SIRPG: variants seen among roughly 807,000 people sequenced by gnomAD.
SIRPG encodes signal regulatory protein gamma.
SIRPG carries 38 observed loss-of-function variants against 35.7 expected under a neutral mutation model. That is an observed-to-expected ratio of 1.06 (90% CI 0.82 to 1.40). The LOEUF is 1.40. Ranked by LOEUF, SIRPG falls within the 40% of genes most tolerant of loss-of-function variation. The probability of loss-of-function intolerance (pLI) is 0.00; values close to 1 mark genes in which losing one functional copy is unlikely to be tolerated. For synonymous variants in SIRPG, 215 were observed against 190.4 expected (o/e 1.13, Z -1.06); for missense variants, 519 against 483.0 (o/e 1.07, Z -0.70).
intron 1 of SIRPG, among the ~76,000 whole-genome samples, chr20:1,657,014 T>TGGCG (rs2091980119): frequency 6.6e-6 from 1 of 152,180 alleles, no homozygotes; most frequent in Non-Finnish European, 1.5e-5. Flanking sequence ...ATGAGGTCAC[T>TGGCG]GGCGGGGAGC....
the SIRPG span, among the ~76,000 whole-genome samples, chr20:1,667,831 C>CA: frequency 1.3e-5 from 2 of 152,174 alleles, no homozygotes; most frequent in African/African-American, 2.4e-5. Context: ...CAGGTAAAGT[C>CA]AAAATGCACA....
the SIRPG span, among the ~76,000 whole-genome samples, chr20:1,665,631 C>A: frequency 2.7e-3 from 408 of 152,258 alleles, 2 homozygotes; most frequent in Non-Finnish European, 4.6e-3. Context: ...GTTGAGAGAG[C>A]TTGTACTCAG....
At chr20:1,645,170 G>C (rs1205401959) in intron 2 of SIRPG, among the ~76,000 whole-genome samples, 3 of 152,124 alleles carry the variant, frequency 2.0e-5, no homozygotes, top group Admixed American at 6.5e-5. Context: ...CCTGAGGCCC[G>C]TACTGTGGGA....
At chr20:1,678,548 A>T in the SIRPG span, among the ~76,000 whole-genome samples, 1 of 152,160 alleles carries the variant, frequency 6.6e-6, no homozygotes, top group Admixed American at 6.5e-5. Context: ...ATACAACAAA[A>T]ATGAAAGATA....
chr20:1,650,886 A>G (rs1234620749), intron 1 of SIRPG, among the ~76,000 whole-genome samples: 3 of 152,236 alleles, frequency 2.0e-5, no homozygotes, highest in Non-Finnish European at 2.9e-5. Context: ...CTCACATACA[A>G]GAGACCCTCA....
At chr20:1,676,452 C>CA in the SIRPG span, among the ~76,000 whole-genome samples, 1 of 152,160 alleles carries the variant, frequency 6.6e-6, no homozygotes, top group African/African-American at 2.4e-5. Flanking sequence ...CTGCAGCTGT[C>CA]AAAGAGTGGA....
the SIRPG span, among the ~76,000 whole-genome samples, chr20:1,668,204 TTTCTTTCTTTCTTTCTTTCTTTC>T: frequency 4.9e-5 from 2 of 40,890 alleles, no homozygotes; most frequent in Non-Finnish European, 5.2e-5. Flanking sequence ...TTTTCTTTTC[TTTCTTTCTTTCTTTCTTTCTTTC>T]TTTCTTTCTT....
rs374688687 is a variant in SIRPG at position 1,636,404 on chromosome 20, T to C, written c.532A>G (p.Ile178Val). 6.2e-5 allele frequency: 100 copies of C among 1,614,122 alleles called. No homozygotes were observed. The highest frequency in any genetic ancestry group is 7.9e-5 in the Non-Finnish European group (93 of 1,180,048). ...CCATTTTTGAACCATTTCAGGGTGA[T>C]GTCTCTGGGAGAGAAGCCATGGGAC... ...CESHGFSPRD[I>V]TLKWFKNGNE... is the part of the protein sequence containing the mutation. Residue 178 changes from isoleucine (I) to valine (V), a missense_variant, in exon 3 of 6, where the codon ATC becomes GTC. By Grantham distance (29) the Ile-to-Val change is conservative. Transcript: ENST00000303415.
chr20:1,640,247 T>C (rs1052765897), intron 2 of SIRPG, among the ~76,000 whole-genome samples: 2 of 152,224 alleles, frequency 1.3e-5, no homozygotes, highest in South Asian at 2.1e-4. Context: ...GAGCATGGAA[T>C]GTTTTTCCAT....
At chr20:1,672,616 T>C in the SIRPG span, among the ~76,000 whole-genome samples, 1 of 152,332 alleles carries the variant, frequency 6.6e-6, no homozygotes, top group Non-Finnish European at 1.5e-5. Context: ...GAAAATCCCC[T>C]ATACAAAACC....
intron 4 of SIRPG, 120 bp downstream of exon 4, chr20:1,635,147 G>C (rs1222976436): frequency 1.3e-6 from 1 of 748,816 alleles, no homozygotes; most frequent in Non-Finnish European, 2.1e-6. Context: ...TGGGGGGATG[G>C]AGCTGACATT....
the SIRPG span, among the ~76,000 whole-genome samples, chr20:1,674,176 C>G: frequency 6.6e-6 from 1 of 152,062 alleles, no homozygotes; most frequent in Non-Finnish European, 1.5e-5. Context: ...ACCAATTAAA[C>G]TGGCATTTTT....
At chr20:1,632,459 C>T (rs2091759042) in intron 4 of SIRPG, among the ~76,000 whole-genome samples, 1 of 152,156 alleles carries the variant, frequency 6.6e-6, no homozygotes, top group Non-Finnish European at 1.5e-5. Flanking sequence ...AAATGCATTT[C>T]CAGCCTTAGT....
the SIRPG span, among the ~76,000 whole-genome samples, chr20:1,668,209 TTC>T: frequency 4.4e-4 from 19 of 43,044 alleles, no homozygotes; most frequent in African/African-American, 8.9e-4. Context: ...TTTTCTTTCT[TTC>T]TTTCTTTCTT....
the SIRPG span, chr20:1,671,036 G>C: frequency 2.4e-6 from 1 of 414,520 alleles, no homozygotes; most frequent in South Asian, 1.9e-5. Context: ...TCTCCTGCAG[G>C]GTCCACGTTG....
At chr20:1,652,426 T>C (rs1396626657) in intron 1 of SIRPG, among the ~76,000 whole-genome samples, 1 of 152,218 alleles carries the variant, frequency 6.6e-6, no homozygotes, top group Admixed American at 6.5e-5. Flanking sequence ...TACTACTGGA[T>C]TTGTTGATGC....
At chr20:1,652,258 G>C (rs2122563875) in intron 1 of SIRPG, among the ~76,000 whole-genome samples, 2 of 152,296 alleles carry the variant, frequency 1.3e-5, no homozygotes, top group Admixed American at 1.3e-4. Flanking sequence ...CAGATCTAGG[G>C]GGAATATTTC....
the SIRPG span, among the ~76,000 whole-genome samples, chr20:1,674,231 A>G: frequency 1.1e-4 from 16 of 151,532 alleles, no homozygotes; most frequent in African/African-American, 3.6e-4. Flanking sequence ...TTTTTTTTCA[A>G]ATTTCCCAGA....
chr20:1,666,937 A>G, the SIRPG span, among the ~76,000 whole-genome samples: 13 of 151,872 alleles, frequency 8.6e-5, no homozygotes, highest in African/African-American at 3.1e-4. Context: ...TTGGACAAAG[A>G]GACTTGCTCT....
Sources: gnomAD v4.1 joint callset for allele counts (sites outside exome capture counted in the v4.1 genomes callset) on GRCh38, gnomAD v4.1.1 for gene constraint, MANE v1.5 for transcripts, NCBI Gene and HGNC (gene_info 2026-07-23, HGNC 2026-07-21) for gene names.